The following MTNAP1 variants were observed in gnomAD, a reference collection of about 807,000 sequenced individuals.
MTNAP1 encodes mitochondrial nucleoid associated protein 1, also known as mitochondrial nucleoid-associated protein 1.
the MTNAP1 span, chr17:73,235,747 A>G: frequency 4.3e-6 from 7 of 1,614,086 alleles, no homozygotes; most frequent in African/African-American, 6.7e-5. Context: ...ACCAGAACAG[A>G]CAGTGAAGAC....
the MTNAP1 span, among the ~76,000 whole-genome samples, chr17:73,247,011 C>T: frequency 5.9e-5 from 9 of 152,244 alleles, no homozygotes; most frequent in Admixed American, 2.6e-4. Context: ...CCCTCTTTCC[C>T]GGTCCCCCAG....
the MTNAP1 span, chr17:73,243,176 TAC>T: frequency 1.5e-6 from 1 of 662,456 alleles, no homozygotes; most frequent in South Asian, 1.5e-5. Flanking sequence ...TTTTTTGAGA[TAC>T]AGTTTTGCTC....
At chr17:73,247,349 G>T in the MTNAP1 span, 5 of 1,614,074 alleles carry the variant, frequency 3.1e-6, no homozygotes, top group Non-Finnish European at 4.2e-6. Context: ...TAGGAAGCAC[G>T]TTTAAGTAGG....
chr17:73,235,331 CAT>C, the MTNAP1 span: 1 of 641,974 alleles, frequency 1.6e-6, no homozygotes, highest in Non-Finnish European at 2.6e-6. Flanking sequence ...TTTTTATACT[CAT>C]ATAATGACTA....
At chr17:73,240,269 T>C in the MTNAP1 span, among the ~76,000 whole-genome samples, 2 of 152,196 alleles carry the variant, frequency 1.3e-5, no homozygotes, top group Admixed American at 6.5e-5. Flanking sequence ...TGTACTTAGT[T>C]TGGGACTTCT....
the MTNAP1 span, chr17:73,247,554 G>T: frequency 4.0e-6 from 2 of 506,238 alleles, no homozygotes; most frequent in Non-Finnish European, 7.1e-6. Flanking sequence ...TAATGAAAAG[G>T]TTTAACTTAG....
At chr17:73,238,381 G>C in the MTNAP1 span, among the ~76,000 whole-genome samples, 2 of 152,148 alleles carry the variant, frequency 1.3e-5, no homozygotes, top group African/African-American at 2.4e-5. Context: ...GTTTGCAAGA[G>C]AAAAACTGGT....
the MTNAP1 span, among the ~76,000 whole-genome samples, chr17:73,240,089 A>G: frequency 0.53 from 80,494 of 152,078 alleles, 21,376 homozygotes; most frequent in East Asian, 0.62. Context: ...GTTAGCTCCT[A>G]AGAATACAAT....
chr17:73,234,964 T>C, the MTNAP1 span, among the ~76,000 whole-genome samples: 78,471 of 151,644 alleles, frequency 0.52, 20,353 homozygotes, highest in East Asian at 0.62. Flanking sequence ...GCCTGTAATC[T>C]CAGCACTTTA....
At chr17:73,236,718 T>C in the MTNAP1 span, 14 of 1,614,078 alleles carry the variant, frequency 8.7e-6, no homozygotes, top group Non-Finnish European at 5.1e-6. Flanking sequence ...GACAGTTATC[T>C]CTGGAGCCCA....
the MTNAP1 span, chr17:73,242,900 G>C: frequency 2.5e-6 from 4 of 1,613,052 alleles, no homozygotes; most frequent in Non-Finnish European, 3.4e-6. Flanking sequence ...GAACAGGCTG[G>C]ATCAGGTGCA....
the MTNAP1 span, among the ~76,000 whole-genome samples, chr17:73,237,356 T>C: frequency 2.0e-5 from 3 of 152,034 alleles, no homozygotes; most frequent in Non-Finnish European, 4.4e-5. Flanking sequence ...GATCACCTGA[T>C]CCCGGAAAAT....
At chr17:73,234,457 C>T in the MTNAP1 span, among the ~76,000 whole-genome samples, 4 of 109,414 alleles carry the variant, frequency 3.7e-5, no homozygotes, top group African/African-American at 1.3e-4. Context: ...ACTGGAAGGC[C>T]GAAGGCGGGC....
At chr17:73,234,333 A>AT in the MTNAP1 span, among the ~76,000 whole-genome samples, 1 of 141,008 alleles carries the variant, frequency 7.1e-6, no homozygotes, top group Non-Finnish European at 1.6e-5. Context: ...TTTTTTTTTA[A>AT]TTTTTTACAT....
At chr17:73,233,697 C>T in the MTNAP1 span, among the ~76,000 whole-genome samples, 2 of 152,212 alleles carry the variant, frequency 1.3e-5, no homozygotes, top group African/African-American at 4.8e-5. Flanking sequence ...AACCCCGTCT[C>T]TACTAAAAAT....
At chr17:73,241,125 T>C in the MTNAP1 span, among the ~76,000 whole-genome samples, 2 of 152,184 alleles carry the variant, frequency 1.3e-5, no homozygotes, top group Non-Finnish European at 1.5e-5. Flanking sequence ...GAGAAAACCA[T>C]GTACAGGAGA....
At chr17:73,236,153 C>G in the MTNAP1 span, 2 of 1,614,020 alleles carry the variant, frequency 1.2e-6, no homozygotes, top group Non-Finnish European at 8.5e-7. Flanking sequence ...CTAGATGTGC[C>G]TACTGGTGAT....
chr17:73,233,353 C>G, the MTNAP1 span: 1 of 152,196 alleles, frequency 6.6e-6, no homozygotes, highest in Non-Finnish European at 1.5e-5. Flanking sequence ...CACGTATAGA[C>G]GTTATCGTGG....
At chr17:73,242,346 A>C in the MTNAP1 span, 1 of 1,570,126 alleles carries the variant, frequency 6.4e-7, no homozygotes. Context: ...GGAGCTGTAC[A>C]AAAAGGTGAG....
Sources: gnomAD v4.1 joint callset for allele counts (sites outside exome capture counted in the v4.1 genomes callset) on GRCh38, gnomAD v4.1.1 for gene constraint, MANE v1.5 for transcripts, NCBI Gene and HGNC (gene_info 2026-07-23, HGNC 2026-07-21) for gene names.